The following C11orf65 variants were observed in gnomAD, a reference collection of about 807,000 sequenced individuals.
C11orf65 encodes protein MFI.
Under a neutral mutation model 35.3 loss-of-function variants are expected in C11orf65, and 38 were observed. The ratio of observed to expected loss-of-function variants is 1.08; its 90% CI spans 0.83 to 1.41. The LOEUF is 1.41. Among genes scored for constraint, C11orf65 ranks in the 40% most tolerant of loss-of-function variants. The probability of loss-of-function intolerance (pLI) is 0.00; values close to 1 mark genes in which losing one functional copy is unlikely to be tolerated. For synonymous variants in C11orf65, 105 were observed against 114.4 expected (o/e 0.92, Z 0.53); for missense variants, 370 against 367.1 (o/e 1.01, Z -0.06).
intron 7 of C11orf65, among the ~76,000 whole-genome samples, chr11:108,387,123 T>A (rs573961253): frequency 6.7e-6 from 1 of 149,414 alleles, no homozygotes; most frequent in Non-Finnish European, 1.5e-5. Flanking sequence ...GAAAACACTG[T>A]GATTTTCTTT....
chr11:108,339,363 T>C (rs953029638), intron 2 of C11orf65, among the ~76,000 whole-genome samples: 1 of 152,162 alleles, frequency 6.6e-6, no homozygotes, highest in Admixed American at 6.5e-5. Context: ...TTCCTTGTCA[T>C]GCATATTTCA....
In C11orf65 at chr11:108,332,045, G is replaced by C. The variant is rs112775908; in HGVS notation, c.300-478C>G. ...AGCTCTCAGCTTGATGAGGTATTTG[G>C]ATTAAACATACGTACCTTTTAGAAG... On this transcript the variant is annotated intron_variant, in intron 3 of 3. Transcript: ENST00000524755. The C allele has an allele frequency of 6.2e-7, 1 of 1,613,314 alleles. No individual in the cohort carries two copies.
At chr11:108,421,717 T>C (rs79721273) in intron 3 of C11orf65, among the ~76,000 whole-genome samples, 3,388 of 152,198 alleles carry the variant, frequency 0.022, 93 homozygotes, top group African/African-American at 0.07. Context: ...ACAAGTTCTA[T>C]ATTTTACACT....
At chr11:108,335,649 A>G (rs951016942) in intron 2 of C11orf65, among the ~76,000 whole-genome samples, 1 of 152,136 alleles carries the variant, frequency 6.6e-6, no homozygotes, top group African/African-American at 2.4e-5. Flanking sequence ...GCGAGGGGAA[A>G]CTTTCTAAAT....
chr11:108,369,259 CG>C (rs958491132), intron 2 of C11orf65, among the ~76,000 whole-genome samples: 1 of 152,128 alleles, frequency 6.6e-6, no homozygotes, highest in African/African-American at 2.4e-5. Context: ...CAGTGTGAAC[CG>C]GGGAGCCTAT....
chr11:108,398,860 G>C (rs910865660), intron 6 of C11orf65, among the ~76,000 whole-genome samples: 2 of 152,182 alleles, frequency 1.3e-5, no homozygotes, highest in African/African-American at 4.8e-5. Context: ...AAGTAATGCA[G>C]GCAGAGAAAT....
At chr11:108,439,895 CACA>C (rs766477695) in intron 2 of C11orf65, among the ~76,000 whole-genome samples, 38 of 152,136 alleles carry the variant, frequency 2.5e-4, no homozygotes, top group Admixed American at 2.0e-4. Flanking sequence ...GTGATAGGTG[CACA>C]ACATTATGAA....
chr11:108,392,648 T>C (rs1054826121), intron 7 of C11orf65, among the ~76,000 whole-genome samples: 2 of 152,218 alleles, frequency 1.3e-5, no homozygotes, highest in South Asian at 4.1e-4. Context: ...AGTTCCAATT[T>C]CTCCACATTC....
rs758609900 is a variant in C11orf65, at chr11:108,343,231, C to T, written c.227-7939G>A. 3 of 1,613,918 alleles carry T rather than the reference C, an allele frequency of 1.9e-6. No homozygotes were observed. Among genetic ancestry groups the T allele is most frequent in the Admixed American group, 3.3e-5 (2 of 59,994 alleles). ...TAATCTGTAACTCCAGGTGGTTCCC[C>T]TCTCTCAGCGAAGTGGTGTTCTTGA... On this transcript the variant is annotated intron_variant, in intron 2 of 3. Coordinates refer to the C11orf65 transcript ENST00000524755.
intron 2 of C11orf65, among the ~76,000 whole-genome samples, chr11:108,335,575 T>C (rs1203236794): frequency 6.6e-6 from 1 of 152,202 alleles, no homozygotes; most frequent in African/African-American, 2.4e-5. Flanking sequence ...CAGTGCTGTT[T>C]TACTCAGGTG....
At chr11:108,430,568 G>A (rs1302060154) in intron 3 of C11orf65, among the ~76,000 whole-genome samples, 1 of 151,946 alleles carries the variant, frequency 6.6e-6, no homozygotes, top group Non-Finnish European at 1.5e-5. Context: ...ACCAATAAGG[G>A]TACGGTGGTT....
intron 2 of C11orf65, among the ~76,000 whole-genome samples, chr11:108,361,714 A>C (rs1212929605): frequency 1.3e-5 from 2 of 151,708 alleles, no homozygotes; most frequent in Non-Finnish European, 3.0e-5. Context: ...TCCCTATTTA[A>C]TAAATGGTGC....
chr11:108,327,316 G>A (rs1202383678), downstream of C11orf65: 1 of 289,218 alleles, frequency 3.5e-6, no homozygotes, highest in East Asian at 8.4e-5. Context: ...TGCAAATTGG[G>A]GTAATAATAG....
chr11:108,461,360 A>T, intron 2 of C11orf65, 119 bp downstream of exon 2: 2 of 749,094 alleles, frequency 2.7e-6, no homozygotes, highest in Non-Finnish European at 4.5e-6. Context: ...ATATCATGCC[A>T]CTGCACTCCA....
At chr11:108,369,359 T>A (rs1314940165) in intron 2 of C11orf65, among the ~76,000 whole-genome samples, 2 of 152,130 alleles carry the variant, frequency 1.3e-5, no homozygotes, top group African/African-American at 4.8e-5. Context: ...CAAATATGAA[T>A]GTTCTTTCTT....
At chr11:108,357,299 C>T (rs899288131) in intron 2 of C11orf65, among the ~76,000 whole-genome samples, 20 of 152,174 alleles carry the variant, frequency 1.3e-4, no homozygotes, top group Admixed American at 6.5e-4. Context: ...GTCCTACGCC[C>T]ACGGAGTCTC....
At chr11:108,427,700 C>T (rs1411521821) in intron 3 of C11orf65, among the ~76,000 whole-genome samples, 4 of 78,560 alleles carry the variant, frequency 5.1e-5, no homozygotes, top group Non-Finnish European at 4.3e-5. Context: ...CCAGCCTGGG[C>T]GACAGAGCGA....
At position 108,319,974 on chromosome 11, in the gene C11orf65, GTT is replaced by G. The variant is rs1555116381; in HGVS notation, c.641-10905_641-10904del. 6.2e-7 allele frequency: 1 copy of G among 1,612,036 alleles called. No homozygotes were observed. Among genetic ancestry groups the G allele is most frequent in the Non-Finnish European group, 8.5e-7 (1 of 1,178,324 alleles). ...CACAGCAAAGAAGTAGAAGGAACCA[GTT>G]ACCATGAATCATTGTACAATGCTCT... On this transcript the variant is annotated intron_variant, in intron 6 of 6. Transcript: ENST00000525729.
downstream of C11orf65, chr11:108,329,432 G>T: frequency 1.7e-6 from 1 of 583,950 alleles, no homozygotes; most frequent in South Asian, 2.1e-5. Context: ...TTTGAGACAA[G>T]GTCTCACTCT....
Sources: gnomAD v4.1 joint callset for allele counts (sites outside exome capture counted in the v4.1 genomes callset) on GRCh38, gnomAD v4.1.1 for gene constraint, MANE v1.5 for transcripts, NCBI Gene and HGNC (gene_info 2026-07-23, HGNC 2026-07-21) for gene names.